The following EMID1 variants were observed in gnomAD, a reference collection of about 807,000 sequenced individuals.
EMID1 encodes the protein EMI domain containing 1, also known as EMI domain-containing protein 1.
In EMID1, 40 loss-of-function variants were observed where a neutral mutation model predicts 60.6. The observed-to-expected ratio is 0.66, with a 90% CI of 0.51 to 0.86. EMID1 has a LOEUF of 0.86. Ranked by LOEUF, EMID1 falls within the 40% of genes least tolerant of loss-of-function variation. EMID1 has a pLI of 0.00. For synonymous variants in EMID1, 242 were observed against 231.0 expected (o/e 1.05, Z -0.43); for missense variants, 585 against 597.1 (o/e 0.98, Z 0.21).
At chr22:29,225,946 T>A (rs2040492133) in intron 4 of EMID1, among the ~76,000 whole-genome samples, 1 of 152,158 alleles carries the variant, frequency 6.6e-6, no homozygotes, top group Non-Finnish European at 1.5e-5. Context: ...GCTCAGAGGT[T>A]GGGACCTTTG....
intron 12 of EMID1, among the ~76,000 whole-genome samples, chr22:29,239,478 A>G (rs1215401468): frequency 6.6e-6 from 1 of 152,086 alleles, no homozygotes; most frequent in Non-Finnish European, 1.5e-5. Flanking sequence ...CTCTTCTTGC[A>G]TGTTGTCTAC....
At chr22:29,216,477 A>T in intron 3 of EMID1, 1 of 985,482 alleles carries the variant, frequency 1.0e-6, no homozygotes, top group African/African-American at 1.7e-5. Flanking sequence ...AACCAGGCCC[A>T]GAGACAGCTC....
At chr22:29,247,016 T>TCGC (rs1188496210) in intron 13 of EMID1, among the ~76,000 whole-genome samples, 1 of 152,142 alleles carries the variant, frequency 6.6e-6, no homozygotes, top group Admixed American at 6.5e-5. Flanking sequence ...AGAGTCTCTA[T>TCGC]CGCCCAGGCT....
chr22:29,227,073 G>C (rs1281410368), intron 5 of EMID1, among the ~76,000 whole-genome samples: 1 of 149,222 alleles, frequency 6.7e-6, no homozygotes, highest in Non-Finnish European at 1.5e-5. Flanking sequence ...ATTATTTCAA[G>C]ATAAAATGTT....
rs893665283 is a variant in EMID1 at position 29,232,347 on chromosome 22, C to G, written c.768C>G (p.Gly256=). The change falls in exon 8 of 15, where the codon GGC becomes GGG. Residue 256 remains glycine (G), a synonymous_variant. Coordinates refer to ENST00000334018, the MANE Select transcript of EMID1 (RefSeq NM_133455.4). ...CTCCTGGGCCACCAGGGCCTCCTGG[C>G]CCCCCTGGGCCCCCAGCCCCTGTTG... is the stretch of plus-strand genomic sequence containing the variant. ...RGPPGPPGPP[G]PPGPPAPVGP... The G allele has an allele frequency of 1.2e-6, 2 of 1,605,184 alleles. No homozygotes were observed. The highest frequency in any genetic ancestry group is 1.7e-6 in the Non-Finnish European group (2 of 1,176,512).
At chr22:29,247,598 C>A (rs2041370973) in intron 13 of EMID1, among the ~76,000 whole-genome samples, 1 of 152,210 alleles carries the variant, frequency 6.6e-6, no homozygotes, top group African/African-American at 2.4e-5. Context: ...AGAAAAGGTA[C>A]AGCAAAAATA....
rs2039637832 is a variant in EMID1 at position 29,206,123 on chromosome 22, C to G, written c.85C>G (p.Pro29Ala). 1 of 1,230,634 alleles carries G rather than the reference C, an allele frequency of 8.1e-7. No homozygotes were observed. Among genetic ancestry groups the G allele is most frequent in the African/African-American group, 1.6e-5 (1 of 64,364 alleles). 76.2% of individuals were successfully genotyped at this position (1,230,634 alleles called of 1,614,324 possible). A position where few individuals can be genotyped will look rare whatever the true frequency, so the allele number is the denominator to read the frequency against. Reference sequence around the variant, plus strand: ...CGCTGCGTGGAGCATCGGGGCAGCTCCGTTCTCCGGACGCAGGTAAGAGCT... The same window carrying G: ...CGCTGCGTGGAGCATCGGGGCAGCTGCGTTCTCCGGACGCAGGTAAGAGCT... Reference protein sequence around the residue: ...GGAAWSIGAAPFSGRRNWCSY... With the variant: ...GGAAWSIGAAAFSGRRNWCSY... The change falls in exon 1 of 15, where the codon CCG (proline) becomes GCG (alanine). Residue 29 changes from proline (P) to alanine (A), a missense_variant. Coordinates refer to ENST00000334018, the MANE Select transcript of EMID1 (RefSeq NM_133455.4).
Position 29,259,121 on chromosome 22 carries a change from G to A in EMID1, c.*177G>A, listed in dbSNP as rs1446153647. On this transcript the variant is annotated 3_prime_UTR_variant, in exon 15 of 15. Coordinates refer to ENST00000334018, the MANE Select transcript of EMID1 (RefSeq NM_133455.4). ...TGGCACCATGCACATGTCTGAGGCT[G>A]AGCAAGGGCTGAGAGGAGAGGCTTG... 21 of 998,272 alleles carry A rather than the reference G, an allele frequency of 2.1e-5. No individual in the cohort carries two copies. In the East Asian group the frequency reaches 4.6e-4, roughly 22 times the overall value. The allele number at this position is 998,272 out of a possible 1,614,324, so 61.8% of individuals were successfully genotyped here. A position where few individuals can be genotyped will look rare whatever the true frequency, so the allele number is the denominator to read the frequency against.
intron 1 of EMID1, among the ~76,000 whole-genome samples, chr22:29,209,428 G>T (rs1369671094): frequency 6.6e-6 from 1 of 152,110 alleles, no homozygotes; most frequent in Non-Finnish European, 1.5e-5. Flanking sequence ...GCTTATCAAT[G>T]ACCACACCCC....
chr22:29,254,669 C>A, intron 14 of EMID1: 1 of 241,384 alleles, frequency 4.1e-6, no homozygotes, highest in Admixed American at 5.0e-5. Context: ...TCCTGGAGTG[C>A]AAGGAACCAT....
At chr22:29,228,234 G>A (rs1463663722) in intron 5 of EMID1, among the ~76,000 whole-genome samples, 2 of 150,822 alleles carry the variant, frequency 1.3e-5, no homozygotes, top group Admixed American at 6.6e-5. Context: ...GGCTGAGGCA[G>A]AGAATTGCTT....
intron 14 of EMID1, chr22:29,255,436 G>T (rs1008678221): frequency 3.7e-5 from 41 of 1,102,254 alleles, no homozygotes; most frequent in Non-Finnish European, 4.3e-5. Context: ...TGCAGAAGGC[G>T]CCTTCCGATG....
intron 12 of EMID1, 102 bp from the exon 13 acceptor site, chr22:29,243,343 A>T: frequency 8.5e-7 from 1 of 1,170,658 alleles, no homozygotes; most frequent in Non-Finnish European, 1.2e-6. Flanking sequence ...TGTTTCTCTA[A>T]GTTTCTCTCC....
chr22:29,231,440 C>G (rs558219571), intron 6 of EMID1, 153 bp from the exon 7 acceptor site: 1 of 884,166 alleles, frequency 1.1e-6, no homozygotes, highest in Non-Finnish European at 1.8e-6. Context: ...TGACCTCTGC[C>G]TACCCCCCCC....
chr22:29,218,501 G>A (rs1195401427), intron 3 of EMID1, among the ~76,000 whole-genome samples: 1 of 152,220 alleles, frequency 6.6e-6, no homozygotes, highest in East Asian at 1.9e-4. Flanking sequence ...TGAGAGCCAG[G>A]ATTGGGACCT....
chr22:29,206,576 C>T (rs958694644), intron 1 of EMID1, among the ~76,000 whole-genome samples: 1 of 152,140 alleles, frequency 6.6e-6, no homozygotes, highest in African/African-American at 2.4e-5. Flanking sequence ...TATTTATCTC[C>T]CTCGGAGGAG....
intron 5 of EMID1, 48 bp downstream of exon 5, chr22:29,226,599 G>A (rs2040519785): frequency 1.3e-6 from 2 of 1,576,200 alleles, no homozygotes; most frequent in Non-Finnish European, 1.7e-6. Context: ...CCACAGGCCA[G>A]TCCAGGCAAC....
At chr22:29,235,348 CAA>C (rs3066718) in intron 12 of EMID1, among the ~76,000 whole-genome samples, 45,949 of 113,050 alleles carry the variant, frequency 0.41, 7,850 homozygotes, top group Middle Eastern at 0.52. Context: ...GACTTCATCT[CAA>C]AAAAAAAAAA....
In EMID1 at chr22:29,215,917, G is replaced by T. The variant is rs16987271; in HGVS notation, c.319+287G>T. Reference sequence around the variant, plus strand: ...TCCTAAATCTTTCCTCCACACTCGGGGAAAACCCATCCAGACATTTCTGTA... The same window carrying T: ...TCCTAAATCTTTCCTCCACACTCGGTGAAAACCCATCCAGACATTTCTGTA... On this transcript the variant is annotated intron_variant, in intron 3 of 14. Coordinates refer to ENST00000334018, the MANE Select transcript of EMID1 (RefSeq NM_133455.4). Among the ~76,000 whole-genome samples, 11,167 of 152,202 alleles carry T rather than the reference G, an allele frequency of 0.073. 477 individuals are homozygous for T. Among genetic ancestry groups the T allele is most frequent in the African/African-American group, 0.1 (4,159 of 41,506 alleles).
Sources: allele counts gnomAD v4.1 joint callset (sites outside exome capture counted in the v4.1 genomes callset), GRCh38; gene constraint gnomAD v4.1.1; transcripts MANE v1.5; gene names NCBI Gene and HGNC (gene_info 2026-07-23, HGNC 2026-07-21).